The following KIF5B variants were observed in gnomAD, a reference collection of about 807,000 sequenced individuals.
KIF5B encodes kinesin family member 5B, also known as kinesin-1 heavy chain.
A neutral mutation model predicts 132.8 loss-of-function variants in KIF5B; 49 were observed. The ratio of observed to expected loss-of-function variants is 0.37; its 90% CI spans 0.29 to 0.47. The LOEUF is 0.47. Ranked by LOEUF, KIF5B falls within the 20% of genes least tolerant of loss-of-function variation. The probability of loss-of-function intolerance (pLI) is 1.00; values close to 1 mark genes in which losing one functional copy is unlikely to be tolerated. For synonymous variants in KIF5B, 355 were observed against 369.4 expected, an observed-to-expected ratio of 0.96 and a Z score of 0.45; for missense variants, 780 against 1,144.0, an observed-to-expected ratio of 0.68 and a Z score of 4.59.
In KIF5B at chr10:32,035,544, ATT is replaced by A. The variant is rs1247656438; in HGVS notation, c.938_939del (p.Lys313IlefsTer13). The A allele has an allele frequency of 6.2e-7, 1 of 1,612,608 alleles. No homozygotes were observed. ...AACCTTTGGCCAAATAAGAGTGTAG[ATT>A]TTGTTTCAGACTCATTGTATGATGA... ...SPSSYNESET[K>X]STLLFGQRAK... is the part of the protein sequence containing the mutation. On this transcript the variant is annotated frameshift_variant, in exon 10 of 26. Transcript: ENST00000302418. LOFTEE classifies it high-confidence loss of function.
intron 1 of KIF5B, among the ~76,000 whole-genome samples, chr10:32,054,862 T>C (rs527960282): frequency 1.3e-5 from 2 of 152,208 alleles, no homozygotes; most frequent in East Asian, 1.9e-4. Context: ...GTCTCACTGA[T>C]AATGATCACT....
At chr10:32,012,407 C>G (rs1176541331) in intron 25 of KIF5B, among the ~76,000 whole-genome samples, 1 of 152,136 alleles carries the variant, frequency 6.6e-6, no homozygotes, top group Non-Finnish European at 1.5e-5. Context: ...ACCCGGGAAG[C>G]AGAGGTTGCA....
intron 24 of KIF5B, among the ~76,000 whole-genome samples, chr10:32,016,446 A>C (rs1273798518): frequency 6.6e-6 from 1 of 152,114 alleles, no homozygotes; most frequent in Non-Finnish European, 1.5e-5. Flanking sequence ...ACAAGAGTGA[A>C]ACTCCATCTC....
intron 15 of KIF5B, 22 bp downstream of exon 15, chr10:32,028,406 A>C (rs776825563): frequency 1.3e-6 from 2 of 1,585,568 alleles, no homozygotes; most frequent in Non-Finnish European, 1.7e-6. Flanking sequence ...AATTGTCCTT[A>C]ATACTTAGTT....
Position 32,010,413 on chromosome 10 carries a change from C to G in KIF5B, c.*1124G>C, listed in dbSNP as rs1841061307. 1 of 152,106 alleles carries G rather than the reference C, an allele frequency of 6.6e-6. No individual in the cohort carries two copies. Among genetic ancestry groups the G allele is most frequent in the South Asian group, 2.1e-4 (1 of 4,836 alleles). 9.4% of individuals were successfully genotyped at this position (152,106 alleles called of 1,614,324 possible). A position where few individuals can be genotyped will look rare whatever the true frequency, so the allele number is the denominator to read the frequency against. On this transcript the variant is annotated 3_prime_UTR_variant, in exon 26 of 26. Coordinates refer to ENST00000302418, the MANE Select transcript of KIF5B (RefSeq NM_004521.3). The stretch of plus-strand genomic sequence containing the variant: ...GTGACTTGCAAACAATTTACTATTT[C>G]TAGACTAAAGAAATAAATTAGTGTA...
rs542848644 is a variant in KIF5B at position 32,054,507 on chromosome 10, T to G, written c.126+1341A>C. 2.0e-5 allele frequency among the ~76,000 whole-genome samples: 3 copies of G among 152,322 alleles called. No homozygotes were observed. In the East Asian group the frequency reaches 5.8e-4, roughly 29 times the overall value. On this transcript the variant is annotated intron_variant, in intron 1 of 25. Transcript: ENST00000302418. Reference sequence around the variant, plus strand: ...GCTGAACTTTGGAGAAACTTTCACATCAAAACCCTAAAGAACTTTAGTCTG... The same window carrying G: ...GCTGAACTTTGGAGAAACTTTCACAGCAAAACCCTAAAGAACTTTAGTCTG...
At chr10:32,012,485 G>A (rs1294568414) in intron 25 of KIF5B, among the ~76,000 whole-genome samples, 2 of 152,192 alleles carry the variant, frequency 1.3e-5, no homozygotes, top group Non-Finnish European at 2.9e-5. Context: ...TATCACTTAA[G>A]TGAATCATAT....
chr10:32,027,482 C>A (rs1564465695), intron 15 of KIF5B, among the ~76,000 whole-genome samples: 1 of 143,866 alleles, frequency 7.0e-6, no homozygotes, highest in African/African-American at 2.5e-5. Context: ...ATTCTCTCTA[C>A]TATTATATGT....
In KIF5B at chr10:32,056,206, C is replaced by T; in HGVS notation, c.-233G>A. ...CGATCCATCATGGCAGCCATGGCGG[C>T]GGCAGCGGCGGCGGCACCGGGGAGA... On this transcript the variant is annotated 5_prime_UTR_variant, in exon 1 of 26. Coordinates refer to ENST00000302418, the MANE Select transcript of KIF5B (RefSeq NM_004521.3). 2.0e-6 allele frequency: 1 copy of T among 501,332 alleles called. No individual in the cohort carries two copies. The highest frequency in any genetic ancestry group is 3.5e-6 in the Non-Finnish European group (1 of 289,656). The allele number at this position is 501,332 out of a possible 1,614,324, so 31.1% of individuals were successfully genotyped here. A position where few individuals can be genotyped will look rare whatever the true frequency, so the allele number is the denominator to read the frequency against.
intron 8 of KIF5B, 63 bp from the exon 9 acceptor site, chr10:32,036,057 C>A: frequency 1.8e-6 from 2 of 1,117,350 alleles, no homozygotes; most frequent in African/African-American, 1.6e-5. Context: ...TTTACATTTT[C>A]TAAAATGTTC....
chr10:32,011,783 TA>T (rs1841084421), intron 25 of KIF5B, among the ~76,000 whole-genome samples: 1 of 152,066 alleles, frequency 6.6e-6, no homozygotes, highest in Admixed American at 6.5e-5. Context: ...TTCTCCCAAA[TA>T]AAGCTATGGG....
intron 14 of KIF5B, among the ~76,000 whole-genome samples, chr10:32,030,342 C>T (rs1215039028): frequency 6.6e-6 from 1 of 151,886 alleles, no homozygotes; most frequent in Non-Finnish European, 1.5e-5. Flanking sequence ...CATGGTGAAA[C>T]CCTGTTGCTA....
In KIF5B at chr10:32,022,381, A is replaced by G. The variant is rs1157982143; in HGVS notation, c.1915-124T>C. 3 of 589,680 alleles carry G rather than the reference A, an allele frequency of 5.1e-6. No individual in the cohort carries two copies. In the African/African-American group the frequency reaches 5.7e-5, roughly 11 times the overall value. The allele number at this position is 589,680 out of a possible 1,614,324, so 36.5% of individuals were successfully genotyped here. A position where few individuals can be genotyped will look rare whatever the true frequency, so the allele number is the denominator to read the frequency against. ...GGGAATATTTAAAACTAAAATATTC[A>G]GGAGCCAATTTTGAAATGTTAAAGA... On this transcript the variant is annotated intron_variant, in intron 16 of 25. Coordinates refer to ENST00000302418, the MANE Select transcript of KIF5B (RefSeq NM_004521.3).
intron 15 of KIF5B, among the ~76,000 whole-genome samples, chr10:32,025,368 C>T (rs1378146734): frequency 6.6e-6 from 1 of 152,116 alleles, no homozygotes; most frequent in Non-Finnish European, 1.5e-5. Context: ...GAATAACTTA[C>T]ACATGAATTA....
At chr10:32,040,599 T>G in intron 2 of KIF5B, 142 bp from the exon 3 acceptor site, 1 of 605,300 alleles carries the variant, frequency 1.7e-6, no homozygotes. Context: ...CAGATGTTTA[T>G]TCCTAGTGAG....
At chr10:32,020,936 G>A (rs1841250070) in intron 19 of KIF5B, 86 bp downstream of exon 19, 3 of 626,160 alleles carry the variant, frequency 4.8e-6, no homozygotes, top group Non-Finnish European at 8.0e-6. Context: ...TAATTTTGAT[G>A]AAAACTGCAG....
At chr10:32,049,708 T>C (rs1841663339) in intron 1 of KIF5B, among the ~76,000 whole-genome samples, 1 of 150,714 alleles carries the variant, frequency 6.6e-6, no homozygotes, top group Non-Finnish European at 1.5e-5. Flanking sequence ...TAATATAGTC[T>C]GAGAAGGAGC....
rs1336547173 is a variant in KIF5B, at chr10:32,010,798, T to C, written c.*739A>G. 2.6e-5 allele frequency: 4 copies of C among 152,200 alleles called. No homozygotes were observed. The highest frequency in any genetic ancestry group is 9.6e-5 in the African/African-American group (4 of 41,468). 9.4% of individuals were successfully genotyped at this position (152,200 alleles called of 1,614,324 possible). A position where few individuals can be genotyped will look rare whatever the true frequency, so the allele number is the denominator to read the frequency against. On this transcript the variant is annotated 3_prime_UTR_variant, in exon 26 of 26. Coordinates refer to ENST00000302418, the MANE Select transcript of KIF5B (RefSeq NM_004521.3). ...CAAACTCCCTTAAACTAAGATCTGC[T>C]TTTGATACTTTAAAATATTTCTATT... is the stretch of plus-strand genomic sequence containing the variant.
Position 32,056,072 on chromosome 10 carries a change from G to A in KIF5B, c.-99C>T, listed in dbSNP as rs1368080766. ...GAGGGCTTGTGGTCGCGAGGGCCGT[G>A]AGAGGCAGCAGTCAGCTGCGCCGCG... On this transcript the variant is annotated 5_prime_UTR_variant, in exon 1 of 26. Coordinates refer to ENST00000302418, the MANE Select transcript of KIF5B (RefSeq NM_004521.3). The A allele has an allele frequency of 6.9e-7, 1 of 1,453,036 alleles. No individual in the cohort carries two copies. The highest frequency in any genetic ancestry group is 9.3e-7 in the Non-Finnish European group (1 of 1,071,616). The allele number at this position is 1,453,036 out of a possible 1,614,324, so 90.0% of individuals were successfully genotyped here. A position where few individuals can be genotyped will look rare whatever the true frequency, so the allele number is the denominator to read the frequency against.
Sources: gnomAD v4.1 joint callset for allele counts (sites outside exome capture counted in the v4.1 genomes callset) on GRCh38, gnomAD v4.1.1 for gene constraint, MANE v1.5 for transcripts, NCBI Gene and HGNC (gene_info 2026-07-23, HGNC 2026-07-21) for gene names.